Variants in EIF4G3 observed in about 807,000 individuals in gnomAD.
EIF4G3 encodes the protein eukaryotic translation initiation factor 4 gamma 3.
Under a neutral mutation model 186.4 loss-of-function variants are expected in EIF4G3, and 34 were observed. The ratio of observed to expected loss-of-function variants is 0.18; its 90% confidence interval spans 0.14 to 0.24. EIF4G3 has a LOEUF of 0.24. Among genes scored for constraint, EIF4G3 ranks in the 10% least tolerant of loss-of-function variants. The pLI, the probability that EIF4G3 is intolerant of heterozygous loss-of-function variation, is 1.00. For missense variants in EIF4G3, 1,536 were observed against 1,948.5 expected (o/e 0.79, Z 3.99); for synonymous variants, 673 against 679.5 (o/e 0.99, Z 0.15).
intron 4 of EIF4G3, among the ~76,000 whole-genome samples, chr1:21,022,206 G>T (rs2090890640): frequency 6.6e-6 from 1 of 152,168 alleles, no homozygotes; most frequent in African/African-American, 2.4e-5. Flanking sequence ...CCTTAACAAT[G>T]TAAGAAATGA....
intron 14 of EIF4G3, among the ~76,000 whole-genome samples, chr1:20,920,588 T>A (rs2094410457): frequency 6.6e-6 from 1 of 152,212 alleles, no homozygotes; most frequent in African/African-American, 2.4e-5. Flanking sequence ...TCGATTAATC[T>A]ACCATGTAAT....
At chr1:21,054,670 C>T (rs1021734639) in intron 3 of EIF4G3, among the ~76,000 whole-genome samples, 3 of 152,044 alleles carry the variant, frequency 2.0e-5, no homozygotes, top group African/African-American at 7.2e-5. Flanking sequence ...AAGTTAAAAA[C>T]TCTGCTCAGG....
intron 36 of EIF4G3, among the ~76,000 whole-genome samples, chr1:20,809,511 T>C (rs1454750917): frequency 6.6e-6 from 1 of 152,208 alleles, no homozygotes; most frequent in Non-Finnish European, 1.5e-5. Context: ...AATCATTAGT[T>C]AACACCAAGT....
intron 2 of EIF4G3, among the ~76,000 whole-genome samples, chr1:21,091,568 C>A (rs754618747): frequency 2.0e-5 from 3 of 152,116 alleles, no homozygotes; most frequent in Non-Finnish European, 4.4e-5. Context: ...ACAAGAGACC[C>A]TGCCTCTATT....
chr1:20,877,221 A>G (rs1480238020), intron 20 of EIF4G3, among the ~76,000 whole-genome samples: 3 of 152,196 alleles, frequency 2.0e-5, no homozygotes. Context: ...TCTGGGATCT[A>G]GTCCTAATTT....
In EIF4G3 at chr1:20,912,305, G is replaced by T. The variant is rs1180634832; in HGVS notation, c.1664-7334C>A. Among the ~76,000 whole-genome samples the T allele has an allele frequency of 3.3e-5, 5 of 152,188 alleles. No individual in the cohort carries two copies. The East Asian group carries it at 9.7e-4, about 29-fold the overall frequency. ...ATAAAATTTTTAAAAAATTAATAAA[G>T]CTGTTTTATTTTCTACATTTGTGGA... On this transcript the variant is annotated intron_variant, in intron 14 of 36. Transcript: ENST00000602326.
intron 2 of EIF4G3, chr1:21,111,504 T>C (rs1383521276): frequency 2.7e-6 from 1 of 376,958 alleles, no homozygotes; most frequent in African/African-American, 2.1e-5. Context: ...ACTATCCAGG[T>C]GACACAGCCT....
At chr1:20,935,182 C>T (rs2095479802) in intron 14 of EIF4G3, among the ~76,000 whole-genome samples, 4 of 152,158 alleles carry the variant, frequency 2.6e-5, no homozygotes, top group African/African-American at 7.2e-5. Flanking sequence ...AGAAACATGA[C>T]GTATAAAGGA....
intron 14 of EIF4G3, among the ~76,000 whole-genome samples, chr1:20,905,421 G>A (rs1025081341): frequency 5.3e-5 from 8 of 152,104 alleles, no homozygotes; most frequent in Non-Finnish European, 1.0e-4. Context: ...AAAATAATAC[G>A]CTCAGGATTC....
At chr1:21,024,184 C>T (rs1225990015) in intron 4 of EIF4G3, among the ~76,000 whole-genome samples, 1 of 151,324 alleles carries the variant, frequency 6.6e-6, no homozygotes, top group Admixed American at 6.6e-5. Context: ...GGTCAGCCCC[C>T]CGCCCGGCCA....
chr1:21,146,543 C>A (rs1019758929), intron 2 of EIF4G3, among the ~76,000 whole-genome samples: 1 of 151,888 alleles, frequency 6.6e-6, no homozygotes, highest in Non-Finnish European at 1.5e-5. Flanking sequence ...GGTGAATCAG[C>A]TGAGGTCAGG....
At chr1:20,807,863 A>G (rs2058383152) in intron 36 of EIF4G3, among the ~76,000 whole-genome samples, 1 of 145,488 alleles carries the variant, frequency 6.9e-6, no homozygotes, top group Admixed American at 7.3e-5. Context: ...CCTGGGTTTA[A>G]GCAATTTTCC....
intron 14 of EIF4G3, 25 bp downstream of exon 14, chr1:20,941,466 C>A (rs371892100): frequency 2.5e-6 from 4 of 1,605,100 alleles, no homozygotes; most frequent in East Asian, 2.2e-5. Flanking sequence ...TCAGCAAGCA[C>A]GAGATTAATG....
At chr1:20,963,658 A>C (rs1273685705) in intron 12 of EIF4G3, among the ~76,000 whole-genome samples, 1 of 152,172 alleles carries the variant, frequency 6.6e-6, no homozygotes, top group African/African-American at 2.4e-5. Context: ...ATTTTTAAAA[A>C]TTAAGTGATC....
intron 3 of EIF4G3, among the ~76,000 whole-genome samples, chr1:21,076,655 C>T (rs964896609): frequency 6.6e-6 from 1 of 152,086 alleles, no homozygotes; most frequent in Non-Finnish European, 1.5e-5. Flanking sequence ...ATAGCCAATT[C>T]ATTTTTTTAA....
At chr1:20,902,270 G>A (rs1409511018) in intron 15 of EIF4G3, among the ~76,000 whole-genome samples, 2 of 152,110 alleles carry the variant, frequency 1.3e-5, no homozygotes, top group Non-Finnish European at 2.9e-5. Flanking sequence ...CACCATGTTG[G>A]TCAGGCTGGT....
At chr1:20,923,847 C>G (rs2094672734) in intron 14 of EIF4G3, among the ~76,000 whole-genome samples, 1 of 150,656 alleles carries the variant, frequency 6.6e-6, no homozygotes, top group Non-Finnish European at 1.5e-5. Context: ...ATCTGTCTCT[C>G]TACAAAATTA....
At chr1:20,836,555 G>T (rs1053209630) in intron 30 of EIF4G3, among the ~76,000 whole-genome samples, 1 of 152,154 alleles carries the variant, frequency 6.6e-6, no homozygotes, top group African/African-American at 2.4e-5. Context: ...CCTACATAGG[G>T]TCTTTTACCA....
At chr1:20,930,019 TTA>T (rs2095221709) in intron 14 of EIF4G3, among the ~76,000 whole-genome samples, 1 of 152,220 alleles carries the variant, frequency 6.6e-6, no homozygotes, top group African/African-American at 2.4e-5. Flanking sequence ...CGTATAAAAG[TTA>T]TGTTTCTACT....
Sources: allele counts gnomAD v4.1 joint callset (sites outside exome capture counted in the v4.1 genomes callset), GRCh38; gene constraint gnomAD v4.1.1; transcripts MANE v1.5; gene names NCBI Gene and HGNC (gene_info 2026-07-23, HGNC 2026-07-21).